Variants in ATG16L1 observed in about 807,000 individuals in gnomAD.
ATG16L1 encodes the protein autophagy-related protein 16-1.
Under a neutral mutation model 88.5 loss-of-function variants are expected in ATG16L1, and 37 were observed. The observed-to-expected ratio is 0.42, with a 90% CI of 0.32 to 0.55. ATG16L1 has a LOEUF of 0.55. ATG16L1 is among the 20% of genes least tolerant of loss of function. The pLI is 0.13. For missense variants in ATG16L1, 554 were observed against 752.8 expected (o/e 0.74, Z 3.09); for synonymous variants, 301 against 281.0 (o/e 1.07, Z -0.71).
At chr2:233,289,377 ATGTGTGTGTG>A (rs56993445) in intron 12 of ATG16L1, among the ~76,000 whole-genome samples, 5 of 129,060 alleles carry the variant, frequency 3.9e-5, no homozygotes, top group Non-Finnish European at 4.9e-5. Flanking sequence ...CCTGTTTGGG[ATGTGTGTGTG>A]TGTGTGTGTG....
intron 2 of ATG16L1, among the ~76,000 whole-genome samples, chr2:233,257,091 G>A (rs529506912): frequency 9.4e-4 from 141 of 149,938 alleles, no homozygotes; most frequent in African/African-American, 3.3e-3. Context: ...GTGCAGTGGC[G>A]CGTTCTGGGC....
chr2:233,289,102 T>A (rs1294764669), intron 12 of ATG16L1, among the ~76,000 whole-genome samples: 2 of 152,180 alleles, frequency 1.3e-5, no homozygotes, highest in African/African-American at 4.8e-5. Flanking sequence ...ATTCTTTAAT[T>A]TGATATAATT....
chr2:233,274,607 T>G, intron 8 of ATG16L1, 69 bp from the exon 9 acceptor site: 2 of 1,269,770 alleles, frequency 1.6e-6, no homozygotes, highest in South Asian at 2.7e-5. Flanking sequence ...TTGGAGTCCT[T>G]TCTAACAATT....
chr2:233,284,123 C>T (rs1324635785), intron 12 of ATG16L1, among the ~76,000 whole-genome samples: 2 of 150,992 alleles, frequency 1.3e-5, no homozygotes, highest in African/African-American at 2.4e-5. Flanking sequence ...GGATTACAGG[C>T]GTGAGCCACC....
intron 1 of ATG16L1, among the ~76,000 whole-genome samples, chr2:233,255,633 CTTCTT>C (rs1374396907): frequency 6.6e-6 from 1 of 152,204 alleles, no homozygotes; most frequent in Non-Finnish European, 1.5e-5. Flanking sequence ...GGCCCATCAT[CTTCTT>C]TTAAGACTTA....
At chr2:233,286,846 C>T (rs746989396) in intron 12 of ATG16L1, among the ~76,000 whole-genome samples, 3 of 151,574 alleles carry the variant, frequency 2.0e-5, no homozygotes, top group South Asian at 4.2e-4. Context: ...AGGATGGTCT[C>T]GATCTCCTGA....
At position 233,251,857 on chromosome 2, in the gene ATG16L1, C is replaced by T. The variant is rs996664851; in HGVS notation, c.30C>T (p.Phe10=). 3 of 1,550,112 alleles carry T rather than the reference C, an allele frequency of 1.9e-6. No individual in the cohort carries two copies. The highest frequency in any genetic ancestry group is 2.0e-5 in the Admixed American group (1 of 51,032). The change falls in exon 1 of 18, where the codon TTC becomes TTT. Residue 10 remains phenylalanine (F), a synonymous_variant. Coordinates refer to ENST00000392017, the MANE Select transcript of ATG16L1 (RefSeq NM_030803.7). ...CGTCGGGCCTCCGCGCCGCTGACTTCCCCCGCTGGAAGCGCCACATCTCGG... is the reference window on the plus strand; with the variant it reads ...CGTCGGGCCTCCGCGCCGCTGACTTTCCCCGCTGGAAGCGCCACATCTCGG... MSSGLRAAD[F]PRWKRHISEQ... is the part of the protein sequence containing the mutation.
At chr2:233,283,596 T>G (rs1237368905) in intron 12 of ATG16L1, among the ~76,000 whole-genome samples, 1 of 151,924 alleles carries the variant, frequency 6.6e-6, no homozygotes, top group Non-Finnish European at 1.5e-5. Flanking sequence ...TTTGCTCTTG[T>G]GTGGGGTACA....
chr2:233,253,331 G>GTTTTT (rs1247381726), intron 1 of ATG16L1, among the ~76,000 whole-genome samples: 2 of 102,756 alleles, frequency 1.9e-5, no homozygotes, highest in African/African-American at 6.5e-5. Flanking sequence ...GGTGAGACTG[G>GTTTTT]GTTTTTTTGT....
chr2:233,293,272 G>C lies in ATG16L1; in HGVS notation c.1645G>C (p.Val549Leu), dbSNP rs1699588834. 3.1e-6 allele frequency: 5 copies of C among 1,614,148 alleles called. No individual in the cohort carries two copies. Among genetic ancestry groups the C allele is most frequent in the Non-Finnish European group, 4.2e-6 (5 of 1,179,988 alleles). Residue 549 changes from valine to leucine, a missense_variant, in exon 17 of 18, where the codon GTG (valine) becomes CTG (leucine). Around this residue, in one of 5 missense-constraint regions of ATG16L1, gnomAD observed 370 missense variants for 509.7 expected, o/e 0.73. Transcript: ENST00000392017. ...CTTCTGTAGCCCTGATGGCAGTTAC[G>C]TGGCGGCAGGCTCTGCTGAGGGCTC... is the stretch of plus-strand genomic sequence containing the variant. Reference protein sequence around the residue: ...RVVFSPDGSYVAAGSAEGSLY... With the variant: ...RVVFSPDGSYLAAGSAEGSLY...
At chr2:233,254,155 A>G (rs997448195) in intron 1 of ATG16L1, among the ~76,000 whole-genome samples, 1 of 152,208 alleles carries the variant, frequency 6.6e-6, no homozygotes, top group Non-Finnish European at 1.5e-5. Flanking sequence ...CTGCACTTTG[A>G]AAATGGCATC....
At chr2:233,286,684 G>C (rs1249109253) in intron 12 of ATG16L1, among the ~76,000 whole-genome samples, 4 of 146,700 alleles carry the variant, frequency 2.7e-5, no homozygotes, top group Non-Finnish European at 4.5e-5. Flanking sequence ...GGAGTGCAGT[G>C]GCGTGATCTC....
At chr2:233,284,459 G>A (rs1698942695) in intron 12 of ATG16L1, among the ~76,000 whole-genome samples, 1 of 152,170 alleles carries the variant, frequency 6.6e-6, no homozygotes. Flanking sequence ...AGCCTCCTGA[G>A]TAGGTGGGAC....
At chr2:233,257,337 A>G (rs1696864054) in intron 2 of ATG16L1, among the ~76,000 whole-genome samples, 1 of 152,148 alleles carries the variant, frequency 6.6e-6, no homozygotes, top group Admixed American at 6.5e-5. Context: ...CCCAGCTTAC[A>G]ATTTTTAACC....
At chr2:233,290,008 G>C in intron 13 of ATG16L1, 34 bp downstream of exon 13, 1 of 1,606,040 alleles carries the variant, frequency 6.2e-7, no homozygotes, top group South Asian at 1.1e-5. Context: ...CTGTGTATAT[G>C]CTTAGATGTT....
intron 12 of ATG16L1, 136 bp downstream of exon 12, chr2:233,282,889 T>G: frequency 1.4e-6 from 1 of 708,888 alleles, no homozygotes; most frequent in Non-Finnish European, 2.4e-6. Context: ...CTTCCTTTCC[T>G]CCTTGGGGAA....
rs1247463107 is a variant in ATG16L1, at chr2:233,274,817, A to G, written c.954+39A>G. On this transcript the variant is annotated intron_variant, in intron 9 of 17. Coordinates refer to ENST00000392017, the MANE Select transcript of ATG16L1 (RefSeq NM_030803.7). ...AGCCCCGAACCCTACCACGCTTGAT[A>G]TGGTGACAGAGCCTGGCAATTAAAG... is the stretch of plus-strand genomic sequence containing the variant. 13 of 1,487,558 alleles carry G rather than the reference A, an allele frequency of 8.7e-6. No homozygotes were observed. In the South Asian group the frequency reaches 1.3e-4, roughly 14 times the overall value. 92.1% of individuals were successfully genotyped at this position (1,487,558 alleles called of 1,614,324 possible).
chr2:233,263,034 T>G, intron 2 of ATG16L1, 96 bp from the exon 3 acceptor site: 1 of 1,043,808 alleles, frequency 9.6e-7, no homozygotes, highest in Non-Finnish European at 1.5e-6. Context: ...GTTTCTGGAG[T>G]TATGGTTTCA....
intron 12 of ATG16L1, among the ~76,000 whole-genome samples, chr2:233,285,846 G>A (rs1292028819): frequency 1.3e-5 from 2 of 152,188 alleles, no homozygotes; most frequent in Non-Finnish European, 2.9e-5. Context: ...CTTACGACAA[G>A]GGAATGGTGT....
Sources: gnomAD v4.1 joint callset for allele counts (sites outside exome capture counted in the v4.1 genomes callset) on GRCh38, gnomAD v4.1.1 for gene constraint, gnomAD v4.1.1 regional missense constraint, MANE v1.5 for transcripts, NCBI Gene and HGNC (gene_info 2026-07-23, HGNC 2026-07-21) for gene names.